The following CABLES1 variants were observed in gnomAD, a reference collection of about 807,000 sequenced individuals.
CABLES1 encodes Cdk5 and Abl enzyme substrate 1.
A neutral mutation model predicts 57.8 loss-of-function variants in CABLES1; 36 were observed. That is an observed-to-expected ratio of 0.62 (90% CI 0.48 to 0.82). CABLES1 has a LOEUF of 0.82. Among genes scored for constraint, CABLES1 ranks in the 40% least tolerant of loss-of-function variants. CABLES1 has a pLI of 0.00. For synonymous variants in CABLES1, 374 were observed against 363.0 expected, an observed-to-expected ratio of 1.03 and a Z score of -0.35; for missense variants, 767 against 836.6, an observed-to-expected ratio of 0.92 and a Z score of 1.03.
chr18:23,160,321 G>A (rs758369378), intron 1 of CABLES1, among the ~76,000 whole-genome samples: 1 of 152,096 alleles, frequency 6.6e-6, no homozygotes, highest in African/African-American at 2.4e-5. Flanking sequence ...GAGCCACCGC[G>A]CCTAGCCGTG....
chr18:23,193,154 G>A (rs1350941167), intron 2 of CABLES1, among the ~76,000 whole-genome samples: 2 of 151,446 alleles, frequency 1.3e-5, no homozygotes, highest in African/African-American at 4.9e-5. Context: ...TCTACTAAAT[G>A]TCCTCAAACA....
At chr18:23,178,621 A>G (rs1230131363) in intron 1 of CABLES1, among the ~76,000 whole-genome samples, 1 of 150,716 alleles carries the variant, frequency 6.6e-6, no homozygotes, top group Non-Finnish European at 1.5e-5. Flanking sequence ...AGTGTTTTTC[A>G]AGATTAGCAG....
At chr18:23,134,915 A>G (rs2046806324), upstream of CABLES1, among the ~76,000 whole-genome samples, 1 of 152,072 alleles carries the variant, frequency 6.6e-6, no homozygotes, top group Non-Finnish European at 1.5e-5. Flanking sequence ...CCCAACTGCA[A>G]TGGTTGTTAG....
chr18:23,237,177 A>T lies in CABLES1; in HGVS notation c.1378A>T (p.Asn460Tyr). 6.2e-7 allele frequency: 1 copy of T among 1,613,858 alleles called. No homozygotes were observed. Among genetic ancestry groups the T allele is most frequent in the Non-Finnish European group, 8.5e-7 (1 of 1,179,736 alleles). ...GGGAGACTTTATGGACTATGACCCA[A>T]ATCTCTTGGATGACCCCCAGTGGCC... Reference protein sequence around the residue: ...DLGDFMDYDPNLLDDPQWPCG... With the variant: ...DLGDFMDYDPYLLDDPQWPCG... Residue 460 changes from asparagine to tyrosine, a missense_variant, in exon 7 of 10, where the codon AAT becomes TAT. Physicochemically the swap from Asn to Tyr is moderately radical, Grantham distance 143. Coordinates refer to ENST00000256925, the MANE Select transcript of CABLES1 (RefSeq NM_001100619.3).
At chr18:23,186,618 C>CA (rs1325885804) in intron 1 of CABLES1, among the ~76,000 whole-genome samples, 5 of 152,050 alleles carry the variant, frequency 3.3e-5, no homozygotes, top group Non-Finnish European at 7.4e-5. Context: ...AGAGATGGGT[C>CA]ACCATGTTGG....
chr18:23,244,053 A>G (rs1325036063), intron 7 of CABLES1, among the ~76,000 whole-genome samples: 2 of 152,120 alleles, frequency 1.3e-5, no homozygotes, highest in Non-Finnish European at 2.9e-5. Flanking sequence ...ATTTTTGACA[A>G]TCACTTCGTG....
intron 1 of CABLES1, among the ~76,000 whole-genome samples, chr18:23,184,743 C>A (rs1482949173): frequency 6.6e-6 from 1 of 152,110 alleles, no homozygotes; most frequent in Admixed American, 6.6e-5. Context: ...AATGTATTTT[C>A]TCACAGGTCT....
At chr18:23,182,239 T>C (rs2047172435) in intron 1 of CABLES1, among the ~76,000 whole-genome samples, 1 of 152,200 alleles carries the variant, frequency 6.6e-6, no homozygotes. Flanking sequence ...TTGAAAGCCT[T>C]TTGGTCTTTT....
At chr18:23,167,903 G>A (rs961382419) in intron 1 of CABLES1, among the ~76,000 whole-genome samples, 8 of 152,224 alleles carry the variant, frequency 5.3e-5, no homozygotes, top group African/African-American at 1.4e-4. Flanking sequence ...AGGCGCTCGC[G>A]CCCTTCGGTT....
chr18:23,189,052 T>A, intron 2 of CABLES1, 143 bp downstream of exon 2: 1 of 605,916 alleles, frequency 1.7e-6, no homozygotes, highest in Admixed American at 3.0e-5. Flanking sequence ...CATCTCCTAG[T>A]GTCTAACCCA....
intron 1 of CABLES1, among the ~76,000 whole-genome samples, chr18:23,179,169 C>T (rs1209828010): frequency 6.6e-6 from 1 of 151,996 alleles, no homozygotes; most frequent in Non-Finnish European, 1.5e-5. Flanking sequence ...CCCTGTAATC[C>T]CAGCTACTCA....
chr18:23,167,033 T>TG (rs2047047671), intron 1 of CABLES1, among the ~76,000 whole-genome samples: 1 of 152,060 alleles, frequency 6.6e-6, no homozygotes, highest in Admixed American at 6.6e-5. Flanking sequence ...TTAACCAGGA[T>TG]GAGGGGAAGC....
intron 4 of CABLES1, among the ~76,000 whole-genome samples, chr18:23,219,447 A>G (rs1459087409): frequency 6.6e-6 from 1 of 152,204 alleles, no homozygotes; most frequent in East Asian, 1.9e-4. Flanking sequence ...AGACATGAGA[A>G]AGGATATTGC....
Position 23,241,604 on chromosome 18 carries a change from A to G in CABLES1, c.1446+4359A>G, listed in dbSNP as rs2047738004. 3.3e-5 allele frequency among the ~76,000 whole-genome samples: 5 copies of G among 152,300 alleles called. No individual in the cohort carries two copies. In the South Asian group the frequency reaches 1.0e-3, roughly 32 times the overall value. ...TTTATCCCTCCTCCTGTTGATAGATATTTGTTCATGCGGCTGCCATGAATG... is the reference window on the plus strand; with the variant it reads ...TTTATCCCTCCTCCTGTTGATAGATGTTTGTTCATGCGGCTGCCATGAATG... On this transcript the variant is annotated intron_variant, in intron 7 of 9. Transcript: ENST00000256925.
intron 4 of CABLES1, among the ~76,000 whole-genome samples, chr18:23,225,346 G>A (rs966145484): frequency 1.3e-5 from 2 of 152,090 alleles, no homozygotes; most frequent in East Asian, 3.8e-4. Context: ...TTTGAAAAAT[G>A]TATAAAAGTA....
At chr18:23,238,602 G>T (rs997180135) in intron 7 of CABLES1, among the ~76,000 whole-genome samples, 2 of 152,234 alleles carry the variant, frequency 1.3e-5, no homozygotes, top group African/African-American at 4.8e-5. Context: ...CACGTAATAA[G>T]TGTTCAATAA....
At chr18:23,151,173 C>T (rs1250497951) in intron 1 of CABLES1, among the ~76,000 whole-genome samples, 1 of 152,062 alleles carries the variant, frequency 6.6e-6, no homozygotes, top group Admixed American at 6.6e-5. Context: ...CACCCGCCAC[C>T]ACGCCCGGCT....
chr18:23,231,534 G>A (rs1455070181), intron 4 of CABLES1, among the ~76,000 whole-genome samples: 7 of 152,144 alleles, frequency 4.6e-5, no homozygotes, highest in Admixed American at 1.3e-4. Context: ...GTAGAATGAC[G>A]TAAGTAGAAA....
At chr18:23,158,997 C>T (rs770012968) in intron 1 of CABLES1, among the ~76,000 whole-genome samples, 7 of 152,150 alleles carry the variant, frequency 4.6e-5, no homozygotes, top group Non-Finnish European at 7.3e-5. Context: ...GACAGGGTAT[C>T]GTTCAGTTGC....
Sources: gnomAD v4.1 joint callset for allele counts (sites outside exome capture counted in the v4.1 genomes callset) on GRCh38, gnomAD v4.1.1 for gene constraint, MANE v1.5 for transcripts, NCBI Gene and HGNC (gene_info 2026-07-23, HGNC 2026-07-21) for gene names.